GARRE1: variants seen among roughly 807,000 people sequenced by gnomAD.
GARRE1 encodes granule associated Rac and RHOG effector 1.
In GARRE1, 49 loss-of-function variants were observed where a neutral mutation model predicts 103.2. The ratio of observed to expected loss-of-function variants is 0.47; its 90% CI spans 0.38 to 0.60. The LOEUF is 0.60. GARRE1 is among the 20% of genes least tolerant of loss of function. GARRE1 has a pLI of 0.00. For synonymous variants in GARRE1, 505 were observed against 532.8 expected (o/e 0.95, Z 0.72); for missense variants, 1,199 against 1,370.5 (o/e 0.87, Z 1.98).
intron 8 of GARRE1, among the ~76,000 whole-genome samples, chr19:34,335,994 A>G (rs550635709): frequency 1.3e-4 from 20 of 148,246 alleles, no homozygotes; most frequent in Non-Finnish European, 2.4e-4. Context: ...TATTATTATT[A>G]TTTTTTTTTT....
intron 10 of GARRE1, among the ~76,000 whole-genome samples, chr19:34,347,229 C>A (rs917071299): frequency 7.9e-5 from 12 of 152,230 alleles, no homozygotes; most frequent in Middle Eastern, 3.4e-3. Context: ...GCTGGGATTA[C>A]AGGCGCCTGC....
intron 10 of GARRE1, among the ~76,000 whole-genome samples, chr19:34,342,868 A>G (rs902457347): frequency 2.0e-5 from 3 of 151,550 alleles, no homozygotes; most frequent in African/African-American, 7.3e-5. Flanking sequence ...TCTAGGACCT[A>G]TGACAGGTGA....
chr19:34,256,431 A>G (rs2073673321), intron 1 of GARRE1, among the ~76,000 whole-genome samples: 1 of 151,650 alleles, frequency 6.6e-6, no homozygotes, highest in African/African-American at 2.4e-5. Context: ...GAGGCAGGAG[A>G]ATCGCTTGAG....
intron 2 of GARRE1, among the ~76,000 whole-genome samples, chr19:34,302,380 G>A (rs1225378148): frequency 1.6e-5 from 2 of 126,622 alleles, no homozygotes; most frequent in Non-Finnish European, 1.6e-5. Flanking sequence ...CTGCAACATC[G>A]CCTCCCAGGT....
rs1188545846 is a variant in GARRE1, at chr19:34,354,013, G to C, written c.*1058G>C. The C allele has an allele frequency of 2.0e-5, 3 of 152,496 alleles. No homozygotes were observed. The highest frequency in any genetic ancestry group is 7.2e-5 in the African/African-American group (3 of 41,394). 9.4% of individuals were successfully genotyped at this position (152,496 alleles called of 1,614,324 possible). Reference sequence around the variant, plus strand: ...TTAGGGATATTTTCCAGCCAGAATGGATCCAGAAGAATTGAATGGTGCTTA... The same window carrying C: ...TTAGGGATATTTTCCAGCCAGAATGCATCCAGAAGAATTGAATGGTGCTTA... On this transcript the variant is annotated 3_prime_UTR_variant, in exon 14 of 14. Transcript: ENST00000299505.
At chr19:34,340,526 C>G (rs1319284107) in intron 9 of GARRE1, among the ~76,000 whole-genome samples, 1 of 149,590 alleles carries the variant, frequency 6.7e-6, no homozygotes, top group Admixed American at 7.0e-5. Context: ...GGATCTGGCT[C>G]TGTTGCCCAG....
chr19:34,338,999 T>C (rs2145277286), intron 8 of GARRE1, among the ~76,000 whole-genome samples: 2 of 152,200 alleles, frequency 1.3e-5, no homozygotes, highest in Middle Eastern at 6.8e-3. Context: ...CGAGAAGTGC[T>C]TAGATTCTGG....
In GARRE1 at chr19:34,352,629, C is replaced by G. The variant is rs2074244692; in HGVS notation, c.2905-18C>G. ...ACATTGCCCGAAATGCCACTAAGAA[C>G]TCTCTTTTGTTTCTCAGGATAACAA... On this transcript the variant is annotated intron_variant, in intron 13 of 13. Coordinates refer to ENST00000299505, the MANE Select transcript of GARRE1 (RefSeq NM_014686.5). 1 of 1,597,584 alleles carries G rather than the reference C, an allele frequency of 6.3e-7. No individual in the cohort carries two copies. The highest frequency in any genetic ancestry group is 8.6e-7 in the Non-Finnish European group (1 of 1,166,936).
intron 12 of GARRE1, among the ~76,000 whole-genome samples, chr19:34,349,669 A>G (rs1251435247): frequency 6.6e-6 from 1 of 152,178 alleles, no homozygotes; most frequent in East Asian, 1.9e-4. Context: ...ACTGCTGTGG[A>G]TATGAGAAAG....
chr19:34,341,642 A>G lies in GARRE1; in HGVS notation c.1708A>G (p.Ile570Val), dbSNP rs1055907706. ...AAATACCCCTTCCAAAAACATCTTC[A>G]TAGCTGGATGTTCCGAAGAGAAGGC... Reference protein sequence around the residue: ...IQNTPSKNIFIAGCSEEKAKM... With the variant: ...IQNTPSKNIFVAGCSEEKAKM... Residue 570 changes from isoleucine (I) to valine (V), a missense_variant, in exon 10 of 14, where the codon ATA becomes GTA. Transcript: ENST00000299505. The G allele has an allele frequency of 1.9e-6, 3 of 1,614,088 alleles. No homozygotes were observed. The African/African-American group carries it at 4.0e-5, about 22-fold the overall frequency.
chr19:34,279,714 G>A (rs1025053348), intron 1 of GARRE1, among the ~76,000 whole-genome samples: 3 of 152,044 alleles, frequency 2.0e-5, no homozygotes, highest in Non-Finnish European at 2.9e-5. Flanking sequence ...GGCCGGGCGC[G>A]GTGGCTCACG....
At chr19:34,312,498 A>G (rs1444371925) in intron 2 of GARRE1, among the ~76,000 whole-genome samples, 1 of 152,176 alleles carries the variant, frequency 6.6e-6, no homozygotes, top group African/African-American at 2.4e-5. Context: ...TTCTACCTCT[A>G]TAAATTTGAC....
At chr19:34,341,314 C>CT in intron 9 of GARRE1, 108 bp from the exon 10 acceptor site, 1 of 889,610 alleles carries the variant, frequency 1.1e-6, no homozygotes, top group East Asian at 2.7e-5. Flanking sequence ...CGATACCAAC[C>CT]TGAGAGGTTT....
intron 1 of GARRE1, among the ~76,000 whole-genome samples, chr19:34,292,483 A>G (rs1248838517): frequency 6.6e-6 from 1 of 152,146 alleles, no homozygotes; most frequent in Non-Finnish European, 1.5e-5. Context: ...TCTCTTGGGT[A>G]TATACATAGG....
At chr19:34,260,272 G>A (rs2073708245) in intron 1 of GARRE1, among the ~76,000 whole-genome samples, 1 of 152,166 alleles carries the variant, frequency 6.6e-6, no homozygotes, top group Non-Finnish European at 1.5e-5. Context: ...TTAAATTAAG[G>A]TATGTGCATT....
At chr19:34,275,376 A>G (rs761198902) in intron 1 of GARRE1, among the ~76,000 whole-genome samples, 4 of 152,096 alleles carry the variant, frequency 2.6e-5, no homozygotes, top group African/African-American at 7.2e-5. Context: ...CCATATACCC[A>G]TTAGCAGTCA....
intron 3 of GARRE1, among the ~76,000 whole-genome samples, chr19:34,325,311 C>G (rs943720553): frequency 2.6e-5 from 4 of 152,128 alleles, no homozygotes; most frequent in African/African-American, 7.2e-5. Context: ...TGTGTGTGAT[C>G]AGTGAGCAGC....
intron 2 of GARRE1, among the ~76,000 whole-genome samples, chr19:34,315,389 T>C (rs1041699680): frequency 6.6e-6 from 1 of 152,112 alleles, no homozygotes; most frequent in Non-Finnish European, 1.5e-5. Context: ...GACATGTAGG[T>C]TGATCTGCAA....
rs139463258 is a variant in GARRE1 at position 34,266,426 on chromosome 19, A to G, written c.-796+11812A>G. 2.2e-3 allele frequency among the ~76,000 whole-genome samples: 332 copies of G among 152,282 alleles called. 2 individuals are homozygous for G. Among genetic ancestry groups the G allele is most frequent in the African/African-American group, 7.1e-3 (297 of 41,570 alleles). On this transcript the variant is annotated intron_variant, in intron 1 of 13. Coordinates refer to ENST00000299505, the MANE Select transcript of GARRE1 (RefSeq NM_014686.5). ...ACCCAGGCTGAAGTGCAGTGGCGCA[A>G]TCTCGGCTCACTGCAACCTCTATCT...
Sources: allele counts gnomAD v4.1 joint callset (sites outside exome capture counted in the v4.1 genomes callset), GRCh38; gene constraint gnomAD v4.1.1; transcripts MANE v1.5; gene names NCBI Gene and HGNC (gene_info 2026-07-23, HGNC 2026-07-21).